The following UNC5D variants were observed in gnomAD, a reference collection of about 807,000 sequenced individuals.
UNC5D encodes the protein netrin receptor UNC5D.
Under a neutral mutation model 105.4 loss-of-function variants are expected in UNC5D, and 39 were observed. The ratio of observed to expected loss-of-function variants is 0.37; its 90% CI spans 0.29 to 0.48. The LOEUF (loss-of-function observed/expected upper bound fraction) is 0.48. Ranked by LOEUF, UNC5D falls within the 20% of genes least tolerant of loss-of-function variation. The pLI, the probability that UNC5D is intolerant of heterozygous loss-of-function variation, is 0.98. For synonymous variants in UNC5D, 452 were observed against 450.4 expected (o/e 1.00, Z -0.04); for missense variants, 991 against 1,202.4 (o/e 0.82, Z 2.60).
intron 2 of UNC5D, among the ~76,000 whole-genome samples, chr8:35,560,042 A>T (rs1432313018): frequency 6.6e-6 from 1 of 152,208 alleles, no homozygotes; most frequent in Non-Finnish European, 1.5e-5. Context: ...ACGGCCTAGA[A>T]AGCTTATTAG....
chr8:35,746,726 A>T (rs1397419463), intron 11 of UNC5D, among the ~76,000 whole-genome samples: 1 of 152,188 alleles, frequency 6.6e-6, no homozygotes, highest in Non-Finnish European at 1.5e-5. Flanking sequence ...TTTGAACAAT[A>T]TGTTCAACAA....
intron 9 of UNC5D, chr8:35,724,323 G>A (rs999422445): frequency 3.3e-6 from 5 of 1,533,468 alleles, no homozygotes; most frequent in Non-Finnish European, 4.4e-6. Flanking sequence ...ATTTATTATG[G>A]TAATCTGCCT....
rs1219310175 is a variant in UNC5D at position 35,792,098 on chromosome 8, C to G, written c.*1535C>G. 6.6e-6 allele frequency: 1 copy of G among 151,898 alleles called. No homozygotes were observed. 9.4% of individuals were successfully genotyped at this position (151,898 alleles called of 1,614,324 possible). On this transcript the variant is annotated 3_prime_UTR_variant, in exon 17 of 17. Coordinates refer to ENST00000404895, the MANE Select transcript of UNC5D (RefSeq NM_080872.4). Reference sequence around the variant, plus strand: ...CAGCTACTTAGAGGTTGGTTACATTCGAATAAAAAGTAGTCAGGGAATGGG... The same window carrying G: ...CAGCTACTTAGAGGTTGGTTACATTGGAATAAAAAGTAGTCAGGGAATGGG...
At chr8:35,512,101 A>G (rs751826234) in intron 1 of UNC5D, among the ~76,000 whole-genome samples, 1 of 152,140 alleles carries the variant, frequency 6.6e-6, no homozygotes, top group South Asian at 2.1e-4. Flanking sequence ...TACACCCCCA[A>G]TCAAAACACC....
Position 35,256,003 on chromosome 8 carries a change from A to T in UNC5D, c.103+20116A>T, listed in dbSNP as rs780429296. The T allele has an allele frequency of 3.3e-4, 51 of 152,326 alleles. 1 individual carries two copies. The highest frequency in any genetic ancestry group is 3.4e-3 in the Middle Eastern group (1 of 294). 9.4% of individuals were successfully genotyped at this position (152,326 alleles called of 1,614,324 possible). On this transcript the variant is annotated intron_variant, in intron 1 of 16. Transcript: ENST00000404895. ...AAGGTCTCAATTTATTCATTCCTCC[A>T]TCACCACCATCTTTCATAGCCAAAG...
chr8:35,601,496 C>T (rs1819882656), intron 4 of UNC5D, among the ~76,000 whole-genome samples: 1 of 152,116 alleles, frequency 6.6e-6, no homozygotes, highest in South Asian at 2.1e-4. Flanking sequence ...TTGTAGTTCT[C>T]CATGAAGAGG....
chr8:35,696,601 C>G (rs1212072794), intron 7 of UNC5D, among the ~76,000 whole-genome samples: 2 of 152,102 alleles, frequency 1.3e-5, no homozygotes, highest in African/African-American at 2.4e-5. Flanking sequence ...TTGTGAAAAA[C>G]TCAGTGGCCT....
intron 1 of UNC5D, among the ~76,000 whole-genome samples, chr8:35,329,760 C>T (rs538978762): frequency 6.6e-6 from 1 of 152,176 alleles, no homozygotes; most frequent in Non-Finnish European, 1.5e-5. Context: ...GGCTTCACCC[C>T]CTTCCTTGCC....
At chr8:35,603,865 C>T (rs577881307) in intron 4 of UNC5D, among the ~76,000 whole-genome samples, 1 of 152,098 alleles carries the variant, frequency 6.6e-6, no homozygotes, top group Non-Finnish European at 1.5e-5. Context: ...AGGATTGCAA[C>T]CCCTGCCTTT....
chr8:35,638,529 TCACAC>T (rs573231326), intron 4 of UNC5D, among the ~76,000 whole-genome samples: 156 of 152,120 alleles, frequency 1.0e-3, no homozygotes, highest in African/African-American at 3.5e-3. Context: ...GCTTGGTGGC[TCACAC>T]CTGTAATCCT....
intron 2 of UNC5D, among the ~76,000 whole-genome samples, chr8:35,560,337 A>G (rs949921192): frequency 6.6e-6 from 1 of 152,218 alleles, no homozygotes; most frequent in Non-Finnish European, 1.5e-5. Context: ...GATGAAATTC[A>G]GTGGAGGAAG....
At chr8:35,309,281 C>T (rs953793630) in intron 1 of UNC5D, among the ~76,000 whole-genome samples, 10 of 152,136 alleles carry the variant, frequency 6.6e-5, no homozygotes, top group African/African-American at 2.2e-4. Context: ...AAACAGAAGG[C>T]ACTGCAGTGA....
chr8:35,624,801 C>G (rs2131046212), intron 4 of UNC5D, among the ~76,000 whole-genome samples: 1 of 152,312 alleles, frequency 6.6e-6, no homozygotes, highest in East Asian at 1.9e-4. Context: ...CAGCATCTCT[C>G]TAAATTAACA....
chr8:35,521,286 A>G (rs1813454907), intron 1 of UNC5D, among the ~76,000 whole-genome samples: 1 of 152,144 alleles, frequency 6.6e-6, no homozygotes, highest in Non-Finnish European at 1.5e-5. Flanking sequence ...TGGGCATATT[A>G]CTTTTATGAA....
intron 8 of UNC5D, among the ~76,000 whole-genome samples, chr8:35,713,203 CAAGT>C (rs1268200964): frequency 6.6e-6 from 1 of 152,168 alleles, no homozygotes; most frequent in Non-Finnish European, 1.5e-5. Flanking sequence ...AGCACAGACA[CAAGT>C]AAGTGATAAA....
At chr8:35,744,207 C>T (rs960705706) in intron 11 of UNC5D, among the ~76,000 whole-genome samples, 4 of 152,158 alleles carry the variant, frequency 2.6e-5, no homozygotes, top group East Asian at 1.9e-4. Context: ...ACAGAAGTGA[C>T]GCTAGGTTCT....
At chr8:35,508,240 G>A (rs1465962408) in intron 1 of UNC5D, among the ~76,000 whole-genome samples, 2 of 152,202 alleles carry the variant, frequency 1.3e-5, no homozygotes, top group African/African-American at 4.8e-5. Flanking sequence ...GGATTTCAGT[G>A]CATTCTTCAT....
chr8:35,603,918 A>G (rs1820080403), intron 4 of UNC5D, among the ~76,000 whole-genome samples: 2 of 151,610 alleles, frequency 1.3e-5, no homozygotes, highest in African/African-American at 2.4e-5. Context: ...CCATCCCTTT[A>G]TTTTGAGCCT....
In UNC5D at chr8:35,411,605, C is replaced by T. The variant is rs183326386; in HGVS notation, c.104-137687C>T. 2.3e-4 allele frequency among the ~76,000 whole-genome samples: 35 copies of T among 152,140 alleles called. No homozygotes were observed. In the East Asian group the frequency reaches 3.3e-3, roughly 14 times the overall value. On this transcript the variant is annotated intron_variant, in intron 1 of 16. Coordinates refer to ENST00000404895, the MANE Select transcript of UNC5D (RefSeq NM_080872.4). ...CATTTAGATCTCAGCTTGAATATCA[C>T]CTATTTAAAGATGTCCACCCTGGCC...
Sources: gnomAD v4.1 joint callset for allele counts (sites outside exome capture counted in the v4.1 genomes callset) on GRCh38, gnomAD v4.1.1 for gene constraint, MANE v1.5 for transcripts, NCBI Gene and HGNC (gene_info 2026-07-23, HGNC 2026-07-21) for gene names.